Variants in HSPA4 observed in about 807,000 individuals in gnomAD.
HSPA4 encodes heat shock protein family A (Hsp70) member 4.
HSPA4 carries 25 observed loss-of-function variants against 106.2 expected under a neutral mutation model. The ratio of observed to expected loss-of-function variants is 0.24; its 90% CI spans 0.17 to 0.33. HSPA4 has a LOEUF of 0.33. Ranked by LOEUF, HSPA4 falls within the 10% of genes least tolerant of loss-of-function variation. The pLI, the probability that HSPA4 is intolerant of heterozygous loss-of-function variation, is 1.00. For missense variants in HSPA4, 841 were observed against 996.0 expected (o/e 0.84, Z 2.10); for synonymous variants, 332 against 333.6 (o/e 1.00, Z 0.05).
intron 16 of HSPA4, 121 bp from the exon 17 acceptor site, chr5:133,101,638 A>G: frequency 1.1e-6 from 1 of 883,234 alleles, no homozygotes; most frequent in Non-Finnish European, 1.7e-6. Context: ...GCCTGGAGAA[A>G]TATATTTAAC....
In HSPA4 at chr5:133,099,540, AT is replaced by A; in HGVS notation, c.1930-3del. On this transcript the variant is annotated splice_region_variant and splice_polypyrimidine_tract_variant and intron_variant, in intron 15 of 18. Coordinates refer to ENST00000304858, the MANE Select transcript of HSPA4 (RefSeq NM_002154.4). ...ACCTAATTATAATATTTTCTTTATCATTAGGATCGTAACAGTTTTACTTTGA... is the reference window on the plus strand; with the variant it reads ...ACCTAATTATAATATTTTCTTTATCATAGGATCGTAACAGTTTTACTTTGA... 1.3e-6 allele frequency: 2 copies of A among 1,481,718 alleles called. No homozygotes were observed. Among genetic ancestry groups the A allele is most frequent in the Non-Finnish European group, 1.9e-6 (2 of 1,061,698 alleles). 91.8% of individuals were successfully genotyped at this position (1,481,718 alleles called of 1,614,324 possible).
At chr5:133,068,936 G>C (rs972782531) in intron 3 of HSPA4, among the ~76,000 whole-genome samples, 59 of 152,132 alleles carry the variant, frequency 3.9e-4, no homozygotes, top group African/African-American at 1.4e-3. Flanking sequence ...AATTTAGAAA[G>C]GGCACCAGGA....
At chr5:133,064,369 G>A (rs1186387146) in intron 1 of HSPA4, among the ~76,000 whole-genome samples, 1 of 152,164 alleles carries the variant, frequency 6.6e-6, no homozygotes, top group Non-Finnish European at 1.5e-5. Context: ...AGCTGGGCGT[G>A]ATGGTGCATG....
At chr5:133,102,913 C>CTTTTTTTTTTTTTTTTTTTTTTTTTT (rs533273263) in intron 17 of HSPA4, among the ~76,000 whole-genome samples, 5 of 103,300 alleles carry the variant, frequency 4.8e-5, no homozygotes, top group Non-Finnish European at 9.2e-5. Flanking sequence ...CTAGGGTTGT[C>CTTTTTTTTTTTTTTTTTTTTTTTTTT]TTTTTTTTTT....
At chr5:133,093,726 A>G (rs1765678803) in intron 13 of HSPA4, among the ~76,000 whole-genome samples, 1 of 152,084 alleles carries the variant, frequency 6.6e-6, no homozygotes, top group Non-Finnish European at 1.5e-5. Context: ...CCTGACCTCA[A>G]GTGATCCTCC....
chr5:133,068,762 TAAG>T (rs768254539), intron 3 of HSPA4, among the ~76,000 whole-genome samples: 33 of 151,398 alleles, frequency 2.2e-4, no homozygotes, highest in Non-Finnish European at 3.7e-4. Context: ...TTATTAGAAA[TAAG>T]AAATAAAGAA....
At chr5:133,057,613 A>T (rs1246128110) in intron 1 of HSPA4, among the ~76,000 whole-genome samples, 8 of 152,218 alleles carry the variant, frequency 5.3e-5, no homozygotes, top group Non-Finnish European at 8.8e-5. Context: ...ATGTGCATAA[A>T]TATTCGGTCA....
chr5:133,060,234 C>G (rs1283466491), intron 1 of HSPA4, among the ~76,000 whole-genome samples: 1 of 151,932 alleles, frequency 6.6e-6, no homozygotes, highest in Non-Finnish European at 1.5e-5. Flanking sequence ...AAACTTGTAC[C>G]AAGAAGCATT....
At chr5:133,052,403 A>G in intron 1 of HSPA4, 46 bp downstream of exon 1, 1 of 1,251,542 alleles carries the variant, frequency 8.0e-7, no homozygotes, top group South Asian at 1.4e-5. Context: ...TTAGGAGATA[A>G]TGCTTGTTCC....
chr5:133,096,650 G>A (rs976334121), intron 14 of HSPA4, among the ~76,000 whole-genome samples: 4 of 152,142 alleles, frequency 2.6e-5, no homozygotes, highest in Non-Finnish European at 4.4e-5. Context: ...ATTCCTTTCC[G>A]TTGCCAGTCA....
chr5:133,080,505 C>T (rs769325929), intron 7 of HSPA4, among the ~76,000 whole-genome samples: 7 of 149,120 alleles, frequency 4.7e-5, no homozygotes, highest in Non-Finnish European at 7.4e-5. Context: ...TTTCCAGGTA[C>T]GCAGTGTGCC....
intron 17 of HSPA4, among the ~76,000 whole-genome samples, chr5:133,102,913 C>CTTTTTTTTTTTTTTTTTT (rs533273263): frequency 1.9e-5 from 2 of 103,336 alleles, no homozygotes; most frequent in African/African-American, 4.3e-5. Context: ...CTAGGGTTGT[C>CTTTTTTTTTTTTTTTTTT]TTTTTTTTTT....
At chr5:133,069,926 A>T (rs566507439) in intron 3 of HSPA4, among the ~76,000 whole-genome samples, 2 of 152,314 alleles carry the variant, frequency 1.3e-5, no homozygotes, top group South Asian at 4.1e-4. Context: ...GCACTTTGGG[A>T]GGCCGAGGCA....
chr5:133,105,952 A>G lies in HSPA4; in HGVS notation c.*1516A>G, dbSNP rs565424130. Reference sequence around the variant, plus strand: ...CACAACAAGGCCAGGTTCTTAGCACATCCTCTGTTCTCTACCTGTCATGCT... The same window carrying G: ...CACAACAAGGCCAGGTTCTTAGCACGTCCTCTGTTCTCTACCTGTCATGCT... On this transcript the variant is annotated 3_prime_UTR_variant, in exon 19 of 19. Transcript: ENST00000304858. The G allele has an allele frequency of 1.8e-4, 27 of 152,010 alleles. No homozygotes were observed. The highest frequency in any genetic ancestry group is 1.4e-3 in the Admixed American group (22 of 15,246). The allele number at this position is 152,010 out of a possible 1,614,324, so 9.4% of individuals were successfully genotyped here.
At chr5:133,063,399 T>C (rs1357847341) in intron 1 of HSPA4, among the ~76,000 whole-genome samples, 2 of 152,102 alleles carry the variant, frequency 1.3e-5, no homozygotes, top group Admixed American at 1.3e-4. Context: ...GATTACAGGC[T>C]TGAGCCACTG....
rs753706194 is a variant in HSPA4, at chr5:133,073,212, T to C, written c.430-18T>C. On this transcript the variant is annotated intron_variant, in intron 4 of 18. Coordinates refer to ENST00000304858, the MANE Select transcript of HSPA4 (RefSeq NM_002154.4). ...TTAGAATCTATAATACAGTAAGCAT[T>C]CTTTTTTTTTTTTGTAGGTTCCTTG... The C allele has an allele frequency of 1.4e-6, 2 of 1,416,980 alleles. No individual in the cohort carries two copies. The allele number at this position is 1,416,980 out of a possible 1,614,324, so 87.8% of individuals were successfully genotyped here.
chr5:133,075,344 A>G (rs1397194172), intron 6 of HSPA4, among the ~76,000 whole-genome samples: 1 of 152,188 alleles, frequency 6.6e-6, no homozygotes, highest in Non-Finnish European at 1.5e-5. Context: ...CTGGCTTTGG[A>G]TCAGAACGAT....
At chr5:133,070,769 A>G (rs1393135499) in intron 4 of HSPA4, among the ~76,000 whole-genome samples, 2 of 151,956 alleles carry the variant, frequency 1.3e-5, no homozygotes, top group African/African-American at 4.8e-5. Flanking sequence ...GGGCGTGGTG[A>G]TGGGCACCTG....
chr5:133,103,968 A>G lies in HSPA4; in HGVS notation c.2261A>G (p.Lys754Arg), dbSNP rs1157494485. Reference protein sequence around the residue: ...WMNNKLNLQNKQSLTMDPVVK... With the variant: ...WMNNKLNLQNRQSLTMDPVVK... ...AATAACAAGCTAAATCTGCAGAACA[A>G]GCAGAGTTTGACCATGGATCCAGTT... Residue 754 changes from lysine to arginine, a missense_variant, in exon 18 of 19, where the codon AAG becomes AGG. Transcript: ENST00000304858. 1.2e-6 allele frequency: 2 copies of G among 1,613,938 alleles called. No individual in the cohort carries two copies. Among genetic ancestry groups the G allele is most frequent in the South Asian group, 1.1e-5 (1 of 91,060 alleles).
Sources: allele counts gnomAD v4.1 joint callset (sites outside exome capture counted in the v4.1 genomes callset), GRCh38; gene constraint gnomAD v4.1.1; transcripts MANE v1.5; gene names NCBI Gene and HGNC (gene_info 2026-07-23, HGNC 2026-07-21).